The following SYT1 variants were observed in gnomAD, a reference collection of about 807,000 sequenced individuals.
SYT1 encodes synaptotagmin 1.
A neutral mutation model predicts 44.8 loss-of-function variants in SYT1; 8 were observed. That is an observed-to-expected ratio of 0.18 (90% CI 0.10 to 0.32). SYT1 has a LOEUF of 0.32. Among genes scored for constraint, SYT1 ranks in the 10% least tolerant of loss-of-function variants. SYT1 has a pLI of 1.00. For synonymous variants in SYT1, 154 were observed against 188.8 expected, an observed-to-expected ratio of 0.82 and a Z score of 1.51; for missense variants, 286 against 509.3, an observed-to-expected ratio of 0.56 and a Z score of 4.22.
intron 2 of SYT1, among the ~76,000 whole-genome samples, chr12:79,035,974 G>A (rs1230926019): frequency 6.6e-6 from 1 of 151,394 alleles, no homozygotes; most frequent in Non-Finnish European, 1.5e-5. Context: ...CAAGGTAGAG[G>A]CATCACAGAA....
At chr12:79,244,020 G>T (rs1592891044) in intron 4 of SYT1, among the ~76,000 whole-genome samples, 1 of 152,070 alleles carries the variant, frequency 6.6e-6, no homozygotes, top group East Asian at 1.9e-4. Flanking sequence ...TAAAGTAAAA[G>T]AAAGTTGTTA....
chr12:79,432,639 AG>A (rs1869866695), intron 9 of SYT1, among the ~76,000 whole-genome samples: 1 of 151,980 alleles, frequency 6.6e-6, no homozygotes, highest in Non-Finnish European at 1.5e-5. Flanking sequence ...TTCCAGAGGG[AG>A]TCTTGTTCTG....
intron 8 of SYT1, among the ~76,000 whole-genome samples, chr12:79,320,944 T>C (rs1881332926): frequency 6.6e-6 from 1 of 152,028 alleles, no homozygotes; most frequent in South Asian, 2.1e-4. Flanking sequence ...CTGAAGACCT[T>C]GATTCTCACC....
At chr12:79,400,991 G>C (rs1315292048) in intron 9 of SYT1, among the ~76,000 whole-genome samples, 2 of 152,158 alleles carry the variant, frequency 1.3e-5, no homozygotes, top group Admixed American at 1.3e-4. Context: ...TCTGGGCATT[G>C]GCTCTATTGA....
intron 3 of SYT1, among the ~76,000 whole-genome samples, chr12:79,202,443 A>T (rs1873845630): frequency 6.6e-6 from 1 of 152,170 alleles, no homozygotes; most frequent in Non-Finnish European, 1.5e-5. Context: ...TTCGCCATGG[A>T]CATATCCCTA....
intron 10 of SYT1, among the ~76,000 whole-genome samples, chr12:79,445,665 T>G (rs1357066326): frequency 1.3e-5 from 2 of 151,888 alleles, no homozygotes; most frequent in East Asian, 3.9e-4. Flanking sequence ...CCATTGTGTA[T>G]ATGTACCACA....
chr12:79,382,902 A>C (rs148755103), intron 9 of SYT1, among the ~76,000 whole-genome samples: 1 of 152,364 alleles, frequency 6.6e-6, no homozygotes, highest in East Asian at 1.9e-4. Context: ...ATACAACATA[A>C]ACTTTTCTCC....
intron 3 of SYT1, among the ~76,000 whole-genome samples, chr12:79,067,247 A>C (rs142757854): frequency 2.4e-4 from 37 of 152,304 alleles, no homozygotes; most frequent in African/African-American, 8.9e-4. Flanking sequence ...CATATAGCTC[A>C]TACCTATCTA....
intron 9 of SYT1, chr12:79,392,798 C>CG (rs1884713619): frequency 1.0e-5 from 1 of 98,918 alleles, no homozygotes; most frequent in Admixed American, 1.1e-4. Context: ...ATTTTTCTTT[C>CG]TTTTTTTTTT....
chr12:78,874,098 C>T (rs1002897866), intron 1 of SYT1, among the ~76,000 whole-genome samples: 8 of 151,608 alleles, frequency 5.3e-5, no homozygotes, highest in African/African-American at 1.9e-4. Context: ...TTTCTATGTA[C>T]TTTCCATGCT....
chr12:78,970,046 C>G (rs1033218026), intron 1 of SYT1, among the ~76,000 whole-genome samples: 8 of 152,208 alleles, frequency 5.3e-5, no homozygotes, highest in Non-Finnish European at 7.4e-5. Context: ...GAGTTTGTTA[C>G]AGTATCTAAG....
At chr12:79,019,613 T>C (rs183619192) in intron 2 of SYT1, among the ~76,000 whole-genome samples, 11 of 152,126 alleles carry the variant, frequency 7.2e-5, no homozygotes, top group Admixed American at 6.6e-4. Flanking sequence ...GTTGGTACTA[T>C]GTTGGTTACT....
At chr12:79,277,398 A>G (rs1296757838) in intron 4 of SYT1, among the ~76,000 whole-genome samples, 1 of 152,188 alleles carries the variant, frequency 6.6e-6, no homozygotes, top group Non-Finnish European at 1.5e-5. Context: ...TCAGCCAAGA[A>G]TTTTGTATCC....
intron 4 of SYT1, among the ~76,000 whole-genome samples, chr12:79,276,749 AT>A (rs2138792852): frequency 6.6e-6 from 1 of 152,024 alleles, no homozygotes; most frequent in African/African-American, 2.4e-5. Context: ...GCAGTTGAAA[AT>A]TTTAACAGTA....
chr12:79,329,796 C>A (rs1044270856), intron 8 of SYT1, among the ~76,000 whole-genome samples: 1 of 152,214 alleles, frequency 6.6e-6, no homozygotes, highest in Non-Finnish European at 1.5e-5. Context: ...TTCACTCACA[C>A]AGCCATCTCT....
intron 9 of SYT1, among the ~76,000 whole-genome samples, chr12:79,381,207 A>G (rs894606328): frequency 6.6e-6 from 1 of 152,212 alleles, no homozygotes; most frequent in African/African-American, 2.4e-5. Context: ...TTTAAAACAC[A>G]ACCATTTCCA....
At position 78,929,409 on chromosome 12, in the gene SYT1, C is replaced by CAAAAAAAAAAAAAAAAAAAAAAAAA; in HGVS notation, c.-216-48377_-216-48353dup. Among the ~76,000 whole-genome samples, 103 of 43,788 alleles carry CAAAAAAAAAAAAAAAAAAAAAAAAA rather than the reference C, an allele frequency of 2.4e-3. 48 individuals are homozygous for CAAAAAAAAAAAAAAAAAAAAAAAAA. Among genetic ancestry groups the CAAAAAAAAAAAAAAAAAAAAAAAAA allele is most frequent in the South Asian group, 6.4e-3 (6 of 938 alleles). 28.7% of individuals were successfully genotyped at this position (43,788 alleles called of 152,430 possible). On this transcript the variant is annotated intron_variant, in intron 1 of 10. Coordinates refer to ENST00000261205, the MANE Select transcript of SYT1 (RefSeq NM_005639.3). ...TGGGTGACAGAGAGAGACTCCGTCC[C>CAAAAAAAAAAAAAAAAAAAAAAAAA]AAAAAAAAAAAAAAAAAAAAAAAAA... is the stretch of plus-strand genomic sequence containing the variant.
chr12:79,007,164 T>A (rs558765695), intron 2 of SYT1, among the ~76,000 whole-genome samples: 28 of 152,132 alleles, frequency 1.8e-4, no homozygotes, highest in Non-Finnish European at 3.8e-4. Flanking sequence ...GAAGCAAATC[T>A]CCCCTCAAAA....
At chr12:79,310,651 G>A (rs1368705266) in intron 8 of SYT1, among the ~76,000 whole-genome samples, 1 of 152,180 alleles carries the variant, frequency 6.6e-6, no homozygotes, top group South Asian at 2.1e-4. Context: ...CCGTGAGCAT[G>A]GAATGTTCTT....
Sources: gnomAD v4.1 joint callset for allele counts (sites outside exome capture counted in the v4.1 genomes callset) on GRCh38, gnomAD v4.1.1 for gene constraint, MANE v1.5 for transcripts, NCBI Gene and HGNC (gene_info 2026-07-23, HGNC 2026-07-21) for gene names.